The following HEPHL1 variants were observed in gnomAD, a reference collection of about 807,000 sequenced individuals.
HEPHL1 encodes ferroxidase HEPHL1.
A neutral mutation model predicts 122.0 loss-of-function variants in HEPHL1; 123 were observed. The ratio of observed to expected loss-of-function variants is 1.01; its 90% CI spans 0.87 to 1.17. HEPHL1 has a LOEUF of 1.17. HEPHL1 is among the 50% of genes most tolerant of loss of function. The pLI, the probability that HEPHL1 is intolerant of heterozygous loss-of-function variation, is 0.00. For synonymous variants in HEPHL1, 527 were observed against 508.9 expected (o/e 1.04, Z -0.48); for missense variants, 1,452 against 1,430.5 (o/e 1.01, Z -0.24).
At chr11:94,023,861 T>G (rs1945602370) in intron 1 of HEPHL1, among the ~76,000 whole-genome samples, 1 of 152,144 alleles carries the variant, frequency 6.6e-6, no homozygotes, top group Admixed American at 6.5e-5. Flanking sequence ...ATCCCATCAG[T>G]GCTAGTAGTT....
Position 94,086,070 on chromosome 11 carries a change from C to T in HEPHL1, c.1961C>T (p.Thr654Ile). 6.2e-7 allele frequency: 1 copy of T among 1,613,828 alleles called. No individual in the cohort carries two copies. The highest frequency in any genetic ancestry group is 8.5e-7 in the Non-Finnish European group (1 of 1,179,778). Reference sequence around the variant, plus strand: ...CATCTGATTGGATTGGGCACTGACACTGACATGCATGGAATTGTTTTTCAA... The same window carrying T: ...CATCTGATTGGATTGGGCACTGACATTGACATGCATGGAATTGTTTTTCAA... Reference protein sequence around the residue: ...SWHLIGLGTDTDMHGIVFQGN... With the variant: ...SWHLIGLGTDIDMHGIVFQGN... The change falls in exon 11 of 20, where the codon ACT becomes ATT. Residue 654 changes from threonine to isoleucine, a missense_variant. Thr to Ile is a moderately conservative substitution (Grantham distance 89, BLOSUM62 -1). Coordinates refer to ENST00000315765, the MANE Select transcript of HEPHL1 (RefSeq NM_001098672.2).
At chr11:94,041,136 G>C (rs957837578) in intron 1 of HEPHL1, among the ~76,000 whole-genome samples, 15 of 147,168 alleles carry the variant, frequency 1.0e-4, no homozygotes, top group East Asian at 4.0e-4. Context: ...GCTTCAAAGA[G>C]AATAAAATAC....
At position 94,075,339 on chromosome 11, in the gene HEPHL1, C is replaced by T; in HGVS notation, c.1670C>T (p.Pro557Leu). The T allele has an allele frequency of 6.2e-7, 1 of 1,613,346 alleles. No homozygotes were observed. The highest frequency in any genetic ancestry group is 8.5e-7 in the Non-Finnish European group (1 of 1,179,600). ...IKDTSSGLVG[P>L]LLVCKKGVLN... ...GACACCAGCTCTGGCCTGGTAGGGCCTTTGCTAGTCTGTAAAAAGGGCGTC... is the reference window on the plus strand; with the variant it reads ...GACACCAGCTCTGGCCTGGTAGGGCTTTTGCTAGTCTGTAAAAAGGGCGTC... Residue 557 changes from proline (P) to leucine (L), a missense_variant, in exon 9 of 20, where the codon CCT (proline) becomes CTT (leucine). By Grantham distance (98) the Pro-to-Leu change is moderately conservative (BLOSUM62 -3). Transcript: ENST00000315765.
chr11:94,067,725 C>G lies in HEPHL1; in HGVS notation c.1038C>G (p.Thr346=), dbSNP rs1173019361. ...AGAATCCTGGGAAGTGGATGATAACCTGCCAGGTCAGCGACCACCTACAAG... is the reference window on the plus strand; with the variant it reads ...AGAATCCTGGGAAGTGGATGATAACGTGCCAGGTCAGCGACCACCTACAAG... ...IAENPGKWMI[T]CQVSDHLQAG... is the part of the protein sequence containing the mutation. The change falls in exon 5 of 20, where the codon ACC becomes ACG. Residue 346 remains threonine (T), a synonymous_variant. Transcript: ENST00000315765. 1 of 1,613,506 alleles carries G rather than the reference C, an allele frequency of 6.2e-7. No individual in the cohort carries two copies. Among genetic ancestry groups the G allele is most frequent in the Non-Finnish European group, 8.5e-7 (1 of 1,179,682 alleles).
At chr11:94,024,883 T>G (rs552342524) in intron 1 of HEPHL1, among the ~76,000 whole-genome samples, 71 of 152,278 alleles carry the variant, frequency 4.7e-4, no homozygotes, top group Middle Eastern at 3.4e-3. Flanking sequence ...CTATGGAGGA[T>G]CCAGTACAGG....
intron 12 of HEPHL1, among the ~76,000 whole-genome samples, chr11:94,089,484 G>A (rs1270446073): frequency 6.6e-6 from 1 of 152,176 alleles, no homozygotes; most frequent in East Asian, 1.9e-4. Context: ...TCTCTACTAG[G>A]CCCTGTGCCC....
chr11:94,044,126 A>G (rs1945812240), intron 1 of HEPHL1, among the ~76,000 whole-genome samples: 1 of 151,838 alleles, frequency 6.6e-6, no homozygotes, highest in African/African-American at 2.4e-5. Flanking sequence ...AAGCCAAGCA[A>G]ATAGACCGAG....
chr11:94,027,496 A>G (rs948212119), intron 1 of HEPHL1, among the ~76,000 whole-genome samples: 1 of 152,154 alleles, frequency 6.6e-6, no homozygotes, highest in Non-Finnish European at 1.5e-5. Context: ...CCTCTTTTCT[A>G]ACAAAGCTTT....
chr11:94,025,665 G>A (rs1945618310), intron 1 of HEPHL1, among the ~76,000 whole-genome samples: 1 of 152,120 alleles, frequency 6.6e-6, no homozygotes, highest in Non-Finnish European at 1.5e-5. Context: ...TATGGCAAGG[G>A]GCTTTGAGTA....
At chr11:94,065,416 G>A (rs1946025299) in intron 4 of HEPHL1, among the ~76,000 whole-genome samples, 1 of 152,232 alleles carries the variant, frequency 6.6e-6, no homozygotes, top group Non-Finnish European at 1.5e-5. Flanking sequence ...ATTAATGCCA[G>A]AGAGTTTCCT....
At chr11:94,043,204 A>C (rs1022725130) in intron 1 of HEPHL1, among the ~76,000 whole-genome samples, 8 of 152,204 alleles carry the variant, frequency 5.3e-5, no homozygotes, top group Admixed American at 1.3e-4. Flanking sequence ...GATGAAAACA[A>C]GTAGGAGTTG....
intron 2 of HEPHL1, among the ~76,000 whole-genome samples, chr11:94,060,882 G>A (rs1945981603): frequency 6.6e-6 from 1 of 152,146 alleles, no homozygotes; most frequent in Non-Finnish European, 1.5e-5. Context: ...TGGTAGCTTG[G>A]AAAATGGATT....
Position 94,055,524 on chromosome 11 carries a change from T to C in HEPHL1, c.416-7984T>C, listed in dbSNP as rs367960340. 1.6e-5 allele frequency: 4 copies of C among 243,122 alleles called. No individual in the cohort carries two copies. In the East Asian group the frequency reaches 3.5e-4, roughly 22 times the overall value. The allele number at this position is 243,122 out of a possible 1,614,324, so 15.1% of individuals were successfully genotyped here. ...GCTGCTTGCTCCGTAAGGTCGTTGT[T>C]AACCGGCTTGGAGACCAGCTCTCTC... is the stretch of plus-strand genomic sequence containing the variant. On this transcript the variant is annotated intron_variant, in intron 2 of 19. Transcript: ENST00000315765.
In HEPHL1 at chr11:94,045,996, G is replaced by A. The variant is rs1230976428; in HGVS notation, c.415+79G>A. The A allele has an allele frequency of 3.9e-6, 5 of 1,270,434 alleles. No homozygotes were observed. In the Admixed American group the frequency reaches 8.3e-5, roughly 21 times the overall value. The allele number at this position is 1,270,434 out of a possible 1,614,324, so 78.7% of individuals were successfully genotyped here. A position where few individuals can be genotyped will look rare whatever the true frequency, so the allele number is the denominator to read the frequency against. ...AACTGTCAGAGTTAAAGAGATTTTA[G>A]GAGCACATTGATTACATGGATATAT... On this transcript the variant is annotated intron_variant, in intron 2 of 19. Coordinates refer to ENST00000315765, the MANE Select transcript of HEPHL1 (RefSeq NM_001098672.2).
intron 10 of HEPHL1, among the ~76,000 whole-genome samples, chr11:94,085,083 G>T (rs1410720883): frequency 6.6e-6 from 1 of 152,100 alleles, no homozygotes; most frequent in Admixed American, 6.5e-5. Context: ...AGCAGGAGGG[G>T]GGTAGAAATA....
rs149732136 is a variant in HEPHL1, at chr11:94,069,309, C to T, written c.1064-1065C>T. 3.9e-5 allele frequency among the ~76,000 whole-genome samples: 6 copies of T among 152,196 alleles called. No individual in the cohort carries two copies. In the East Asian group the frequency reaches 9.7e-4, roughly 24 times the overall value. ...TTGGAGGTTTTTTAACAAATAGAGA[C>T]AGGGTCTTGCTATGTTGCCCAGGCT... On this transcript the variant is annotated intron_variant, in intron 5 of 19. Coordinates refer to ENST00000315765, the MANE Select transcript of HEPHL1 (RefSeq NM_001098672.2).
At chr11:94,041,626 G>T (rs1240996041) in intron 1 of HEPHL1, among the ~76,000 whole-genome samples, 1 of 92,220 alleles carries the variant, frequency 1.1e-5, no homozygotes, top group African/African-American at 4.6e-5. Context: ...AATGGGGAAA[G>T]GATTCCCTAT....
At chr11:94,072,913 T>C (rs1946088050) in intron 6 of HEPHL1, 112 bp from the exon 7 acceptor site, 4 of 970,706 alleles carry the variant, frequency 4.1e-6, no homozygotes, top group East Asian at 5.1e-5. Context: ...CTGTCTTTTC[T>C]GGGGACATGG....
At chr11:94,101,385 A>G in intron 14 of HEPHL1, 50 bp downstream of exon 14, 6 of 1,576,868 alleles carry the variant, frequency 3.8e-6, no homozygotes, top group Non-Finnish European at 5.2e-6. Flanking sequence ...CATTGGCGTC[A>G]ACTCTTTTCT....
Sources: allele counts gnomAD v4.1 joint callset (sites outside exome capture counted in the v4.1 genomes callset), GRCh38; gene constraint gnomAD v4.1.1; transcripts MANE v1.5; gene names NCBI Gene and HGNC (gene_info 2026-07-23, HGNC 2026-07-21).